The following RHOBTB2 variants were observed in gnomAD, a reference collection of about 807,000 sequenced individuals.
RHOBTB2 encodes rho-related BTB domain-containing protein 2.
A neutral mutation model predicts 66.5 loss-of-function variants in RHOBTB2; 39 were observed. The ratio of observed to expected loss-of-function variants is 0.59; its 90% CI spans 0.45 to 0.77. The LOEUF (loss-of-function observed/expected upper bound fraction) is 0.77, where lower values mean the gene tolerates loss of function less well. RHOBTB2 is among the 30% of genes least tolerant of loss of function. The pLI, the probability that RHOBTB2 is intolerant of heterozygous loss-of-function variation, is 0.00. For synonymous variants in RHOBTB2, 390 were observed against 395.0 expected (o/e 0.99, Z 0.15); for missense variants, 755 against 999.1 (o/e 0.76, Z 3.29).
At chr8:22,970,660 C>G in the RHOBTB2 span, among the ~76,000 whole-genome samples, 1,396 of 151,936 alleles carry the variant, frequency 9.2e-3, 15 homozygotes, top group African/African-American at 0.03. Flanking sequence ...GTATCTCACC[C>G]TGTTGCCCAG....
chr8:23,016,273 A>C (rs995934840), intron 9 of RHOBTB2, among the ~76,000 whole-genome samples: 59 of 150,180 alleles, frequency 3.9e-4, no homozygotes, highest in Non-Finnish European at 7.1e-4. Context: ...AGGGTCTGCC[A>C]CTCTTTCCAT....
the RHOBTB2 span, among the ~76,000 whole-genome samples, chr8:22,979,652 A>G: frequency 6.9e-6 from 1 of 145,160 alleles, no homozygotes; most frequent in Non-Finnish European, 1.5e-5. Context: ...ATTTCCTTAG[A>G]TTTTGTTAGT....
chr8:23,013,785 C>T (rs918771303), intron 7 of RHOBTB2, among the ~76,000 whole-genome samples: 6 of 152,220 alleles, frequency 3.9e-5, no homozygotes, highest in Non-Finnish European at 7.3e-5. Context: ...CGTGAGCCAC[C>T]GTGCCCGGCC....
At chr8:22,981,409 C>T in the RHOBTB2 span, among the ~76,000 whole-genome samples, 1 of 152,182 alleles carries the variant, frequency 6.6e-6, no homozygotes, top group South Asian at 2.1e-4. Context: ...TGGTGTAGGA[C>T]CCCCTCACCC....
the RHOBTB2 span, among the ~76,000 whole-genome samples, chr8:22,964,613 G>T: frequency 6.6e-6 from 1 of 151,740 alleles, no homozygotes; most frequent in Non-Finnish European, 1.5e-5. Flanking sequence ...AACCCTCAGG[G>T]GACTCACATG....
the RHOBTB2 span, among the ~76,000 whole-genome samples, chr8:22,953,241 G>C: frequency 2.0e-5 from 3 of 152,270 alleles, no homozygotes; most frequent in Admixed American, 1.3e-4. Flanking sequence ...TTGCCCCATG[G>C]TGCGCATGCT....
At chr8:22,999,482 T>C (rs1054981380), upstream of RHOBTB2, 4 of 928,110 alleles carry the variant, frequency 4.3e-6, no homozygotes, top group African/African-American at 7.8e-5. Context: ...TCCAATCCCC[T>C]TCTTCCCCCG....
intron 1 of RHOBTB2, among the ~76,000 whole-genome samples, chr8:22,990,558 T>C (rs764227944): frequency 1.7e-4 from 26 of 152,162 alleles, no homozygotes; most frequent in Non-Finnish European, 2.9e-4. Context: ...CAGCCAGGCT[T>C]CCACCAGCAG....
chr8:22,952,041 G>T, the RHOBTB2 span, among the ~76,000 whole-genome samples: 3 of 152,122 alleles, frequency 2.0e-5, no homozygotes, highest in Non-Finnish European at 2.9e-5. Flanking sequence ...TAGCTCTTTA[G>T]AAATGTAATT....
At chr8:22,965,526 T>A in the RHOBTB2 span, among the ~76,000 whole-genome samples, 1 of 152,164 alleles carries the variant, frequency 6.6e-6, no homozygotes, top group Non-Finnish European at 1.5e-5. Flanking sequence ...TCCTGATGTC[T>A]AAAATTACTA....
the RHOBTB2 span, among the ~76,000 whole-genome samples, chr8:22,978,973 T>C: frequency 3.9e-5 from 6 of 152,332 alleles, no homozygotes; most frequent in East Asian, 1.2e-3. Context: ...GGCCATGATG[T>C]ATACATATAT....
At chr8:23,008,299 C>A (rs561278053) in intron 6 of RHOBTB2, among the ~76,000 whole-genome samples, 188 bp downstream of exon 6, 2 of 152,206 alleles carry the variant, frequency 1.3e-5, no homozygotes, top group East Asian at 3.8e-4. Context: ...AAGGGAATTA[C>A]ACTGACACCT....
intron 8 of RHOBTB2, among the ~76,000 whole-genome samples, chr8:23,015,357 A>G (rs1214630432): frequency 1.3e-5 from 2 of 152,176 alleles, no homozygotes; most frequent in East Asian, 3.9e-4. Context: ...CAGATGCAGT[A>G]TGAAGCCACT....
the RHOBTB2 span, among the ~76,000 whole-genome samples, chr8:22,966,354 AAAAAAAAGAAAAG>A: frequency 1.3e-5 from 2 of 151,994 alleles, no homozygotes; most frequent in Non-Finnish European, 2.9e-5. Flanking sequence ...CTTTGTCTCA[AAAAAAAAGAAAAG>A]AAAAAAAGAA....
chr8:22,962,484 T>C, the RHOBTB2 span, among the ~76,000 whole-genome samples: 3 of 152,324 alleles, frequency 2.0e-5, no homozygotes, highest in Non-Finnish European at 4.4e-5. Context: ...AAGAAGATGT[T>C]GCTAAACTTT....
intron 9 of RHOBTB2, 64 bp downstream of exon 9, chr8:23,015,807 T>G: frequency 1.7e-6 from 2 of 1,176,648 alleles, no homozygotes; most frequent in Non-Finnish European, 2.5e-6. Flanking sequence ...ACAGCTCCCA[T>G]GTAATCCCAG....
chr8:22,994,698 A>G, upstream of RHOBTB2: 1 of 1,387,098 alleles, frequency 7.2e-7, no homozygotes, highest in Non-Finnish European at 1.0e-6. Flanking sequence ...TCCATCGAGC[A>G]TTTATTAAGC....
chr8:23,014,823 C>T lies in RHOBTB2; in HGVS notation c.1860+45C>T, dbSNP rs762186599. Reference sequence around the variant, plus strand: ...AATCTACAACAGTCTCAGTTCTACACTCTGCCTGCCCATTGGCTGCGAATG... The same window carrying T: ...AATCTACAACAGTCTCAGTTCTACATTCTGCCTGCCCATTGGCTGCGAATG... On this transcript the variant is annotated intron_variant, in intron 8 of 9. Transcript: ENST00000251822. The T allele has an allele frequency of 6.7e-6, 10 of 1,490,838 alleles. No homozygotes were observed. In the South Asian group the frequency reaches 1.0e-4, roughly 15 times the overall value. The allele number at this position is 1,490,838 out of a possible 1,614,324, so 92.4% of individuals were successfully genotyped here.
chr8:22,968,168 A>T, the RHOBTB2 span, among the ~76,000 whole-genome samples: 3 of 152,034 alleles, frequency 2.0e-5, no homozygotes, highest in African/African-American at 7.2e-5. Flanking sequence ...AAAAAAAAAA[A>T]TTGTTAAAAT....
Sources: gnomAD v4.1 joint callset for allele counts (sites outside exome capture counted in the v4.1 genomes callset) on GRCh38, gnomAD v4.1.1 for gene constraint, MANE v1.5 for transcripts, NCBI Gene and HGNC (gene_info 2026-07-23, HGNC 2026-07-21) for gene names.